Variants in SPPL2B observed in about 807,000 individuals in gnomAD.
SPPL2B encodes the protein signal peptide peptidase like 2B.
A neutral mutation model predicts 59.7 loss-of-function variants in SPPL2B; 39 were observed. That is an observed-to-expected ratio of 0.65 (90% CI 0.51 to 0.85). The LOEUF is 0.85. Among genes scored for constraint, SPPL2B ranks in the 40% least tolerant of loss-of-function variants. The pLI is 0.00. For missense variants in SPPL2B, 865 were observed against 849.0 expected, an observed-to-expected ratio of 1.02 and a Z score of -0.23; for synonymous variants, 419 against 370.8, an observed-to-expected ratio of 1.13 and a Z score of -1.49.
intron 1 of SPPL2B, among the ~76,000 whole-genome samples, chr19:2,334,068 C>G (rs751302322): frequency 1.3e-5 from 2 of 152,158 alleles, no homozygotes; most frequent in Non-Finnish European, 1.5e-5. Context: ...CACCGTGTGC[C>G]TGGGCCCCCG....
At chr19:2,352,217 C>A (rs1185237971) in intron 14 of SPPL2B, among the ~76,000 whole-genome samples, 1 of 152,156 alleles carries the variant, frequency 6.6e-6, no homozygotes, top group African/African-American at 2.4e-5. Context: ...CAGGTGACTT[C>A]CTGGGTTCCC....
In SPPL2B at chr19:2,334,676, C is replaced by G. The variant is rs1185168131; in HGVS notation, c.141C>G (p.Leu47=). Residue 47 remains leucine, a synonymous_variant, in exon 2 of 15, where the codon CTC becomes CTG. Coordinates refer to ENST00000613503, the MANE Select transcript of SPPL2B (RefSeq NM_152988.3). ...GGPEGKDYCI[L]YNPQWAHLPH... ...CCGAAGGCAAAGACTACTGCATCCT[C>G]TACAACCCGCAGTGGGCCCATCTTC... 1.2e-6 allele frequency: 2 copies of G among 1,612,718 alleles called. No individual in the cohort carries two copies. The highest frequency in any genetic ancestry group is 1.7e-6 in the Non-Finnish European group (2 of 1,179,380).
At chr19:2,352,292 A>T (rs1045165453) in intron 14 of SPPL2B, among the ~76,000 whole-genome samples, 4 of 152,066 alleles carry the variant, frequency 2.6e-5, no homozygotes, top group African/African-American at 9.7e-5. Flanking sequence ...CTTGGAGTCC[A>T]TGACCGCCCA....
chr19:2,341,062 TGC>T lies in SPPL2B; in HGVS notation c.956+49_956+50del, dbSNP rs1491451181. On this transcript the variant is annotated intron_variant, in intron 8 of 14. Coordinates refer to ENST00000613503, the MANE Select transcript of SPPL2B (RefSeq NM_152988.3). The stretch of plus-strand genomic sequence containing the variant: ...CCCGGCGGGCAGCGGAGTCCTCGGG[TGC>T]ACCAGGGCTCCTGGGGCCCTGACTC... The T allele has an allele frequency of 1.7e-3, 2,448 of 1,399,646 alleles. 35 individuals are homozygous for T. In the African/African-American group the frequency reaches 0.031, roughly 18 times the overall value. The allele number at this position is 1,399,646 out of a possible 1,614,324, so 86.7% of individuals were successfully genotyped here.
intron 14 of SPPL2B, among the ~76,000 whole-genome samples, chr19:2,352,190 C>G (rs575375677): frequency 6.6e-6 from 1 of 152,172 alleles, no homozygotes; most frequent in Non-Finnish European, 1.5e-5. Context: ...TGGGACCCCC[C>G]CTTCCAGTGT....
chr19:2,353,274 C>T lies in SPPL2B; in HGVS notation c.*65C>T. On this transcript the variant is annotated 3_prime_UTR_variant, in exon 15 of 15. Coordinates refer to ENST00000613503, the MANE Select transcript of SPPL2B (RefSeq NM_152988.3). ...AGATGTTGGGGCTGCCTGGCGCCCA[C>T]TGGAGACAGACAGACAGACGCCTGT... 6.6e-7 allele frequency: 1 copy of T among 1,522,212 alleles called. No homozygotes were observed. Among genetic ancestry groups the T allele is most frequent in the Non-Finnish European group, 8.8e-7 (1 of 1,140,784 alleles). The allele number at this position is 1,522,212 out of a possible 1,614,324, so 94.3% of individuals were successfully genotyped here.
intron 2 of SPPL2B, among the ~76,000 whole-genome samples, chr19:2,336,898 G>GGTGT (rs368029610): frequency 0.12 from 14,807 of 124,222 alleles, 805 homozygotes; most frequent in Non-Finnish European, 0.15. Context: ...TCTGGCTGTG[G>GGTGT]GTGTGTGTGT....
intron 8 of SPPL2B, chr19:2,342,856 C>T (rs559876278): frequency 1.1e-4 from 27 of 249,540 alleles, no homozygotes; most frequent in Middle Eastern, 1.7e-3. Context: ...ACTGAGGGGA[C>T]GCAGCCGGCC....
At chr19:2,349,962 C>A (rs1173971535) in intron 13 of SPPL2B, among the ~76,000 whole-genome samples, 1 of 149,028 alleles carries the variant, frequency 6.7e-6, no homozygotes, top group East Asian at 2.0e-4. Flanking sequence ...TGATTCTGTT[C>A]TCTCTCTACA....
Position 2,340,136 on chromosome 19 carries a change from C to T in SPPL2B, c.803C>T (p.Ala268Val), listed in dbSNP as rs752781433. The T allele has an allele frequency of 1.3e-5, 20 of 1,589,482 alleles. No homozygotes were observed. Among genetic ancestry groups the T allele is most frequent in the South Asian group, 9.0e-5 (8 of 88,778 alleles). ...ASATGLYSCL[A>V]PCVRRLPFGK... ...GCCACCGGCCTCTACAGCTGCCTGG[C>T]GCCCTGTGTGCGGCGGCTGCCCTTC... The change falls in exon 7 of 15, where the codon GCG (alanine) becomes GTG (valine). Residue 268 changes from alanine (A) to valine (V), a missense_variant. Ala to Val is a moderately conservative substitution (Grantham distance 64). Transcript: ENST00000613503.
chr19:2,343,325 C>A, intron 9 of SPPL2B, 33 bp downstream of exon 9: 1 of 1,516,430 alleles, frequency 6.6e-7, no homozygotes, highest in Non-Finnish European at 9.0e-7. Context: ...TGCGGGGCAG[C>A]ATGGGTAGTG....
intron 1 of SPPL2B, among the ~76,000 whole-genome samples, chr19:2,333,916 G>T (rs1968418139): frequency 6.6e-6 from 1 of 152,236 alleles, no homozygotes; most frequent in Non-Finnish European, 1.5e-5. Context: ...CTGTCCTGCT[G>T]GTGGCAGCGT....
At chr19:2,333,357 C>T (rs906166899) in intron 1 of SPPL2B, among the ~76,000 whole-genome samples, 5 of 151,134 alleles carry the variant, frequency 3.3e-5, no homozygotes, top group South Asian at 2.1e-4. Context: ...CAGGTGCGGG[C>T]GGCTGGACTG....
chr19:2,349,037 ACACT>A (rs1413592535), intron 13 of SPPL2B, among the ~76,000 whole-genome samples: 10 of 149,358 alleles, frequency 6.7e-5, no homozygotes, highest in African/African-American at 2.0e-4. Context: ...CTCTCCACAC[ACACT>A]CACGCGCTCT....
intron 13 of SPPL2B, among the ~76,000 whole-genome samples, chr19:2,345,757 G>T (rs575744811): frequency 9.2e-6 from 1 of 108,388 alleles, no homozygotes; most frequent in Admixed American, 9.6e-5. Flanking sequence ...CTGTGCCTCC[G>T]TCCCCCTCTT....
chr19:2,352,958 C>T lies in SPPL2B; in HGVS notation c.1528C>T (p.Pro510Ser), dbSNP rs1970008982. The change falls in exon 15 of 15, where the codon CCA becomes TCA. Residue 510 changes from proline (P) to serine (S), a missense_variant. Coordinates refer to ENST00000613503, the MANE Select transcript of SPPL2B (RefSeq NM_152988.3). ...CCTTCTCCTGTAGAAAGTCCTACCT[C>T]CATCTCCGTGGGCCCCAGCACCAGC... is the stretch of plus-strand genomic sequence containing the variant. ...TGSGFAKVLPPSPWAPAPADG... is the reference protein window; with the variant it reads ...TGSGFAKVLPSSPWAPAPADG... 1.2e-6 allele frequency: 2 copies of T among 1,612,090 alleles called. No homozygotes were observed. The highest frequency in any genetic ancestry group is 1.7e-5 in the Admixed American group (1 of 59,956).
In SPPL2B at chr19:2,340,179, C is replaced by A; in HGVS notation, c.839+7C>A. On this transcript the variant is annotated splice_region_variant and intron_variant, in intron 7 of 14. Coordinates refer to ENST00000613503, the MANE Select transcript of SPPL2B (RefSeq NM_152988.3). ...TGCCCTTCGGCAAGTGCAGGTGAGT[C>A]TGCCCTGCTGGCCCCGACGTGCCTG... 1 of 1,551,354 alleles carries A rather than the reference C, an allele frequency of 6.4e-7. No homozygotes were observed. The highest frequency in any genetic ancestry group is 2.0e-5 in the Admixed American group (1 of 51,096).
At chr19:2,331,352 T>C (rs1599191606) in intron 1 of SPPL2B, among the ~76,000 whole-genome samples, 1 of 152,202 alleles carries the variant, frequency 6.6e-6, no homozygotes, top group Non-Finnish European at 1.5e-5. Flanking sequence ...TGTGCTGCAA[T>C]TGTGAAGGAT....
rs138841915 is a variant in SPPL2B at position 2,331,540 on chromosome 19, C to T, written c.66+2765C>T. 1.3e-4 allele frequency among the ~76,000 whole-genome samples: 20 copies of T among 152,174 alleles called. No homozygotes were observed. The South Asian group carries it at 2.7e-3, about 21-fold the overall frequency. Reference sequence around the variant, plus strand: ...GGAAACTCTTCCCGGTGAGATGCCGCGTTCTCTGGCCTTTGATAGAGGCAC... The same window carrying T: ...GGAAACTCTTCCCGGTGAGATGCCGTGTTCTCTGGCCTTTGATAGAGGCAC... On this transcript the variant is annotated intron_variant, in intron 1 of 14. Coordinates refer to ENST00000613503, the MANE Select transcript of SPPL2B (RefSeq NM_152988.3).
Sources: gnomAD v4.1 joint callset for allele counts (sites outside exome capture counted in the v4.1 genomes callset) on GRCh38, gnomAD v4.1.1 for gene constraint, MANE v1.5 for transcripts, NCBI Gene and HGNC (gene_info 2026-07-23, HGNC 2026-07-21) for gene names.